The following PER3 variants were observed in gnomAD, a reference collection of about 807,000 sequenced individuals.
PER3 encodes period circadian regulator 3.
In PER3, 107 loss-of-function variants were observed where a neutral mutation model predicts 127.2. That is an observed-to-expected ratio of 0.84 (90% CI 0.72 to 0.99). The LOEUF (loss-of-function observed/expected upper bound fraction) is 0.99. PER3 is among the 50% of genes least tolerant of loss of function. The pLI is 0.00. For missense variants in PER3, 1,560 were observed against 1,525.8 expected, an observed-to-expected ratio of 1.02 and a Z score of -0.37; for synonymous variants, 618 against 585.8, an observed-to-expected ratio of 1.05 and a Z score of -0.79.
At chr1:7,787,381 C>A in intron 4 of PER3, 1 of 319,342 alleles carries the variant, frequency 3.1e-6, no homozygotes, top group Non-Finnish European at 6.1e-6. Context: ...TTTTAAGTAA[C>A]ATAATTGTTA....
chr1:7,810,329 C>T (rs2097213818), intron 12 of PER3, 109 bp from the exon 13 acceptor site: 1 of 799,562 alleles, frequency 1.3e-6, no homozygotes, highest in African/African-American at 1.7e-5. Flanking sequence ...TACTGTGCTT[C>T]AGTCATTATA....
intron 18 of PER3, 56 bp downstream of exon 18, chr1:7,827,871 T>C: frequency 7.1e-7 from 1 of 1,408,930 alleles, no homozygotes; most frequent in Non-Finnish European, 9.8e-7. Flanking sequence ...TTACTAAAGT[T>C]AAGGTGGTTG....
intron 14 of PER3, among the ~76,000 whole-genome samples, chr1:7,819,812 C>A (rs560783514): frequency 7.1e-6 from 1 of 141,050 alleles, no homozygotes. Flanking sequence ...TTTTTTAGTT[C>A]GTCAGTTATG....
At chr1:7,831,494 A>G (rs2097331450) in intron 19 of PER3, among the ~76,000 whole-genome samples, 1 of 152,222 alleles carries the variant, frequency 6.6e-6, no homozygotes, top group Non-Finnish European at 1.5e-5. Flanking sequence ...TTTAATAGAA[A>G]TAGGAAAATA....
In PER3 at chr1:7,813,491, C is replaced by T. The variant is rs138586577; in HGVS notation, c.1522+2903C>T. Among the ~76,000 whole-genome samples the T allele has an allele frequency of 3.5e-3, 538 of 152,188 alleles. 4 individuals are homozygous for T. The highest frequency in any genetic ancestry group is 0.013 in the African/African-American group (523 of 41,514). On this transcript the variant is annotated intron_variant, in intron 13 of 21. Coordinates refer to ENST00000377532, the MANE Select transcript of PER3 (RefSeq NM_001377275.1). The stretch of plus-strand genomic sequence containing the variant: ...GATGCAGCACTGGATTCCAGTGCAC[C>T]GACAGCCTGAGTCAAGTAACTTGCA...
chr1:7,837,231 A>T, intron 21 of PER3, 82 bp downstream of exon 21: 8 of 1,201,048 alleles, frequency 6.7e-6, no homozygotes, highest in Non-Finnish European at 9.4e-6. Context: ...TTCTTGCATG[A>T]TCCCACTAAA....
rs1488475359 is a variant in PER3, at chr1:7,784,643, C to T, written c.-224-11C>T. 1 of 424,900 alleles carries T rather than the reference C, an allele frequency of 2.4e-6. No homozygotes were observed. Among genetic ancestry groups the T allele is most frequent in the Non-Finnish European group, 4.1e-6 (1 of 242,046 alleles). 26.3% of individuals were successfully genotyped at this position (424,900 alleles called of 1,614,324 possible). A position where few individuals can be genotyped will look rare whatever the true frequency, so the allele number is the denominator to read the frequency against. ...CATTTGTCCCTTGTCACCCTTGTCT[C>T]CTCCCCCTAGGCCGGAGTCCTGAAA... On this transcript the variant is annotated splice_polypyrimidine_tract_variant and intron_variant, in intron 1 of 21. Coordinates refer to ENST00000377532, the MANE Select transcript of PER3 (RefSeq NM_001377275.1).
In PER3 at chr1:7,809,960, T is replaced by G; in HGVS notation, c.1310T>G (p.Val437Gly). ...LGSSGSQEQL[V>G]SIASSSEASG... ...AGCAGCGGGTCGCAGGAGCAGCTTG[T>G]CAGCATCGCCTCCTCCAGTGAGGCC... Residue 437 changes from valine to glycine, a missense_variant, in exon 12 of 22, where the codon GTC (valine) becomes GGC (glycine). This residue lies in a region of PER3 where 1,332 missense variants were observed against 1,223.6 expected (regional missense o/e 1.09). Coordinates refer to ENST00000377532, the MANE Select transcript of PER3 (RefSeq NM_001377275.1). 9 of 1,614,106 alleles carry G rather than the reference T, an allele frequency of 5.6e-6. No individual in the cohort carries two copies. The highest frequency in any genetic ancestry group is 7.6e-6 in the Non-Finnish European group (9 of 1,179,956).
rs1232477626 is a variant in PER3 at position 7,788,145 on chromosome 1, C to A, written c.491C>A (p.Ser164Tyr). 1.9e-6 allele frequency: 3 copies of A among 1,613,964 alleles called. No homozygotes were observed. Among genetic ancestry groups the A allele is most frequent in the Non-Finnish European group, 2.5e-6 (3 of 1,179,838 alleles). Residue 164 changes from serine (S) to tyrosine (Y), a missense_variant, in exon 5 of 22, where the codon TCT (serine) becomes TAT (tyrosine). Transcript: ENST00000377532. ...AATCGTAAGAAAGATGTCCTGGCGTCTTCTCACTTTGTTGACCTGCTTGCA... is the reference window on the plus strand; with the variant it reads ...AATCGTAAGAAAGATGTCCTGGCGTATTCTCACTTTGTTGACCTGCTTGCA... ...ILNRKKDVLA[S>Y]SHFVDLLAPQ...
rs373121827 is a variant in PER3, at chr1:7,827,631, C to T, written c.2702C>T (p.Pro901Leu). Residue 901 changes from proline (P) to leucine (L), a missense_variant, in exon 18 of 22, where the codon CCA becomes CTA. Physicochemically the swap from Pro to Leu is moderately conservative, Grantham distance 98. Coordinates refer to ENST00000377532, the MANE Select transcript of PER3 (RefSeq NM_001377275.1). The stretch of plus-strand genomic sequence containing the variant: ...TCAGCAATGAGTCCAACTCTGGACC[C>T]ACCCCCTTCAGTCACCAGCCAAAGG... ...MSSAMSPTLD[P>L]PPSVTSQRRE... 39 of 1,614,198 alleles carry T rather than the reference C, an allele frequency of 2.4e-5. No individual in the cohort carries two copies. In the East Asian group the frequency reaches 8.0e-4, roughly 33 times the overall value.
Position 7,784,850 on chromosome 1 carries a change from C to A in PER3, c.-28C>A. On this transcript the variant is annotated 5_prime_UTR_variant, in exon 2 of 22. Transcript: ENST00000377532. Reference sequence around the variant, plus strand: ...AAGCAGGCTGCGGGCCGTCCCAGCACGACGTGGAGCCCCGCGGAGACCTCG... The same window carrying A: ...AAGCAGGCTGCGGGCCGTCCCAGCAAGACGTGGAGCCCCGCGGAGACCTCG... 1.4e-6 allele frequency: 2 copies of A among 1,448,132 alleles called. No individual in the cohort carries two copies. Among genetic ancestry groups the A allele is most frequent in the Non-Finnish European group, 1.8e-6 (2 of 1,109,758 alleles). 89.7% of individuals were successfully genotyped at this position (1,448,132 alleles called of 1,614,324 possible).
In PER3 at chr1:7,785,061, C is replaced by T. The variant is rs574580150; in HGVS notation, c.128+56C>T. On this transcript the variant is annotated intron_variant, in intron 2 of 21. Coordinates refer to ENST00000377532, the MANE Select transcript of PER3 (RefSeq NM_001377275.1). ...ATGCGTTCGTTGTCCTTCCCTGGAG[C>T]AGGGAAAGGGGGACCTAAATCTTTT... The T allele has an allele frequency of 8.2e-5, 126 of 1,541,226 alleles. No individual in the cohort carries two copies. In the South Asian group the frequency reaches 1.5e-3, roughly 18 times the overall value.
intron 21 of PER3, among the ~76,000 whole-genome samples, chr1:7,838,189 A>G (rs758233288): frequency 6.6e-6 from 1 of 152,144 alleles, no homozygotes; most frequent in Non-Finnish European, 1.5e-5. Context: ...AAAAACTAAC[A>G]TTTTTATTGT....
intron 3 of PER3, 120 bp from the exon 4 acceptor site, chr1:7,786,588 ATGATCTGTTTTTG>A: frequency 1.8e-6 from 1 of 556,970 alleles, no homozygotes. Context: ...AAAGCAGAAA[ATGATCTGTTTTTG>A]AGAAAAATGC....
chr1:7,824,146 A>G (rs2097290703), intron 16 of PER3, among the ~76,000 whole-genome samples: 2 of 152,342 alleles, frequency 1.3e-5, no homozygotes, highest in South Asian at 4.1e-4. Context: ...GTAAGAAGAT[A>G]AATAGCTTTA....
chr1:7,832,775 A>AT (rs555582437), intron 19 of PER3, among the ~76,000 whole-genome samples: 177 of 147,338 alleles, frequency 1.2e-3, no homozygotes, highest in African/African-American at 4.3e-3. Context: ...TTGAATTGAG[A>AT]TTTTTCCCCC....
chr1:7,814,109 CAG>C (rs1324665413), intron 13 of PER3, among the ~76,000 whole-genome samples: 2 of 152,090 alleles, frequency 1.3e-5, no homozygotes, highest in African/African-American at 2.4e-5. Flanking sequence ...CAAGCTGAAA[CAG>C]AGAAAGAAGA....
At chr1:7,805,853 A>G (rs1390308727) in intron 10 of PER3, among the ~76,000 whole-genome samples, 1 of 152,214 alleles carries the variant, frequency 6.6e-6, no homozygotes, top group Non-Finnish European at 1.5e-5. Context: ...ATGTGAAATT[A>G]TGCAACATAT....
intron 10 of PER3, among the ~76,000 whole-genome samples, chr1:7,806,812 A>AATAT (rs1553309917): frequency 0.032 from 1,962 of 60,574 alleles, 51 homozygotes; most frequent in East Asian, 0.081. Context: ...AAAAAAAAAA[A>AATAT]ATATATATAT....
Sources: allele counts gnomAD v4.1 joint callset (sites outside exome capture counted in the v4.1 genomes callset), GRCh38; gene constraint gnomAD v4.1.1; regional missense constraint gnomAD v4.1.1; transcripts MANE v1.5; gene names NCBI Gene and HGNC (gene_info 2026-07-23, HGNC 2026-07-21).